The following RAD51B variants were observed in gnomAD, a reference collection of about 807,000 sequenced individuals.
RAD51B encodes RAD51 paralog B, also known as DNA repair protein RAD51 homolog 2.
In RAD51B, 38 loss-of-function variants were observed where a neutral mutation model predicts 42.2. The observed-to-expected ratio is 0.90, with a 90% CI of 0.70 to 1.18. The LOEUF (loss-of-function observed/expected upper bound fraction) is 1.18, where lower values mean the gene tolerates loss of function less well. Ranked by LOEUF, RAD51B falls within the 50% of genes most tolerant of loss-of-function variation. The pLI is 0.00. For missense variants in RAD51B, 373 were observed against 400.7 expected, an observed-to-expected ratio of 0.93 and a Z score of 0.59; for synonymous variants, 154 against 145.2, an observed-to-expected ratio of 1.06 and a Z score of -0.43.
chr14:68,546,265 G>T (rs952199159), intron 10 of RAD51B, among the ~76,000 whole-genome samples: 1 of 152,180 alleles, frequency 6.6e-6, no homozygotes, highest in Non-Finnish European at 1.5e-5. Context: ...GGGCTATGGT[G>T]GCATAGAAGG....
At chr14:68,293,093 A>C (rs1399041814) in intron 8 of RAD51B, among the ~76,000 whole-genome samples, 2 of 152,120 alleles carry the variant, frequency 1.3e-5, no homozygotes, top group African/African-American at 4.8e-5. Flanking sequence ...AATTATTTTA[A>C]TAACATCCAG....
At chr14:68,512,769 C>T (rs988909415) in intron 10 of RAD51B, among the ~76,000 whole-genome samples, 3 of 152,064 alleles carry the variant, frequency 2.0e-5, no homozygotes, top group Admixed American at 2.0e-4. Context: ...AACAAACCAA[C>T]AAACATACAT....
chr14:68,452,486 T>G (rs952371896), intron 9 of RAD51B, among the ~76,000 whole-genome samples: 12 of 152,220 alleles, frequency 7.9e-5, no homozygotes, highest in African/African-American at 2.7e-4. Context: ...ATGGTAATAT[T>G]AAACAAATGG....
chr14:68,218,525 A>T (rs896814980), intron 7 of RAD51B, among the ~76,000 whole-genome samples: 7 of 152,206 alleles, frequency 4.6e-5, no homozygotes, highest in Non-Finnish European at 8.8e-5. Context: ...GTGATAACTT[A>T]ATTTTGCTAT....
intron 7 of RAD51B, among the ~76,000 whole-genome samples, chr14:68,051,133 C>A (rs571359033): frequency 4.0e-5 from 6 of 151,706 alleles, no homozygotes; most frequent in African/African-American, 1.4e-4. Flanking sequence ...GGGAAAGTTA[C>A]CAGATTTCTA....
intron 8 of RAD51B, among the ~76,000 whole-genome samples, chr14:68,334,535 T>C (rs568920629): frequency 6.6e-6 from 1 of 152,204 alleles, no homozygotes; most frequent in South Asian, 2.1e-4. Context: ...GAGAGACAGG[T>C]TGGAGTAGCT....
chr14:68,045,057 A>G (rs2076277292), intron 7 of RAD51B, among the ~76,000 whole-genome samples: 1 of 151,890 alleles, frequency 6.6e-6, no homozygotes, highest in African/African-American at 2.4e-5. Context: ...CTCATCATGG[A>G]GAAACCTCGT....
intron 11 of RAD51B, among the ~76,000 whole-genome samples, chr14:68,677,997 A>C (rs1053071982): frequency 1.3e-5 from 2 of 152,126 alleles, no homozygotes; most frequent in Admixed American, 6.5e-5. Context: ...TTCCCGTGCC[A>C]GGCTCCGTGC....
chr14:67,922,718 G>A (rs2044366880), intron 7 of RAD51B, among the ~76,000 whole-genome samples: 1 of 143,236 alleles, frequency 7.0e-6, no homozygotes. Flanking sequence ...TTGAGATAGA[G>A]TCTTGCTCTG....
intron 7 of RAD51B, among the ~76,000 whole-genome samples, chr14:67,950,842 T>C (rs2074430662): frequency 6.6e-6 from 1 of 152,084 alleles, no homozygotes; most frequent in African/African-American, 2.4e-5. Context: ...TTCAGAGAAA[T>C]GTAGAGTTAT....
chr14:68,420,962 A>G (rs578046789), intron 9 of RAD51B, among the ~76,000 whole-genome samples: 104 of 152,340 alleles, frequency 6.8e-4, no homozygotes, highest in Admixed American at 1.8e-3. Context: ...CTGGGTTGCA[A>G]TGAATGGTCC....
chr14:68,404,609 C>G (rs1446822627), intron 8 of RAD51B, among the ~76,000 whole-genome samples: 1 of 152,210 alleles, frequency 6.6e-6, no homozygotes, highest in African/African-American at 2.4e-5. Context: ...CCTTCAATTG[C>G]TTTCCTATAC....
intron 7 of RAD51B, among the ~76,000 whole-genome samples, chr14:67,893,505 C>CAAAA (rs766502467): frequency 2.0e-5 from 2 of 100,194 alleles, no homozygotes; most frequent in African/African-American, 9.9e-5. Flanking sequence ...CACACACACA[C>CAAAA]ACACAAAAAA....
intron 9 of RAD51B, among the ~76,000 whole-genome samples, chr14:68,460,698 C>G (rs2085822518): frequency 6.6e-6 from 1 of 152,212 alleles, no homozygotes; most frequent in Non-Finnish European, 1.5e-5. Flanking sequence ...TCTGTGGCTC[C>G]TTTTCCACTT....
chr14:67,979,957 G>T (rs749985332), intron 7 of RAD51B, among the ~76,000 whole-genome samples: 28 of 152,092 alleles, frequency 1.8e-4, no homozygotes, highest in Non-Finnish European at 3.5e-4. Context: ...TTAATATATA[G>T]TAGAGATGAT....
intron 8 of RAD51B, among the ~76,000 whole-genome samples, chr14:68,303,705 T>C (rs1200257557): frequency 1.3e-5 from 2 of 152,204 alleles, no homozygotes; most frequent in Non-Finnish European, 2.9e-5. Context: ...GGTCTGGTTC[T>C]AGCTTCCTAC....
chr14:67,946,695 C>A (rs528470609), intron 7 of RAD51B, among the ~76,000 whole-genome samples: 1 of 152,238 alleles, frequency 6.6e-6, no homozygotes, highest in African/African-American at 2.4e-5. Flanking sequence ...AAACAAAAGT[C>A]TTTGATATAA....
intron 7 of RAD51B, among the ~76,000 whole-genome samples, chr14:68,114,520 A>G (rs976097587): frequency 2.6e-5 from 4 of 152,068 alleles, no homozygotes; most frequent in African/African-American, 7.2e-5. Context: ...TCTCTGTTAT[A>G]TTTTATAATA....
intron 7 of RAD51B, among the ~76,000 whole-genome samples, chr14:68,005,683 A>T (rs576076810): frequency 1.3e-5 from 2 of 152,298 alleles, no homozygotes; most frequent in East Asian, 3.9e-4. Flanking sequence ...ATGATTAAGC[A>T]CATTAAACAC....
Sources: gnomAD v4.1 joint callset for allele counts (sites outside exome capture counted in the v4.1 genomes callset) on GRCh38, gnomAD v4.1.1 for gene constraint, MANE v1.5 for transcripts, NCBI Gene and HGNC (gene_info 2026-07-23, HGNC 2026-07-21) for gene names.